LOC128125818: variants seen among roughly 807,000 people sequenced by gnomAD.
the LOC128125818 span, among the ~76,000 whole-genome samples, chr4:6,068,537 G>A: frequency 3.4e-5 from 5 of 147,022 alleles, no homozygotes; most frequent in Admixed American, 3.6e-4. Flanking sequence ...TTTATGCTGG[G>A]TATTTTTAAA....
the LOC128125818 span, among the ~76,000 whole-genome samples, chr4:6,068,531 T>C: frequency 2.7e-5 from 4 of 150,558 alleles, no homozygotes; most frequent in African/African-American, 4.9e-5. Context: ...CAGGTTTTTA[T>C]GCTGGGTATT....
chr4:6,066,926 TG>T, the LOC128125818 span, among the ~76,000 whole-genome samples: 1 of 151,708 alleles, frequency 6.6e-6, no homozygotes, highest in African/African-American at 2.4e-5. Flanking sequence ...ACACCTGCCA[TG>T]GGGCCTTTGC....
the LOC128125818 span, chr4:6,069,914 G>A: frequency 2.5e-6 from 1 of 396,342 alleles, no homozygotes; most frequent in Non-Finnish European, 4.4e-6. The surrounding 1 kb of genome is among the most constrained non-coding windows in gnomAD (Gnocchi z 4.5). Flanking sequence ...CCCCCAACCA[G>A]ATCCAGTCTC....
chr4:6,067,189 C>T, the LOC128125818 span, among the ~76,000 whole-genome samples: 1 of 152,186 alleles, frequency 6.6e-6, no homozygotes, highest in Non-Finnish European at 1.5e-5. The surrounding 1 kb of genome is among the most constrained non-coding windows in gnomAD (Gnocchi z 4.6). Context: ...ATGGAAGCTC[C>T]ATGAAGACAG....
At chr4:6,066,775 C>A in the LOC128125818 span, among the ~76,000 whole-genome samples, 3 of 152,072 alleles carry the variant, frequency 2.0e-5, no homozygotes, top group South Asian at 2.1e-4. Context: ...CCACCAATAT[C>A]TCTCTCTCTG....
chr4:6,066,852 T>A, the LOC128125818 span, among the ~76,000 whole-genome samples: 1 of 152,030 alleles, frequency 6.6e-6, no homozygotes, highest in African/African-American at 2.4e-5. Flanking sequence ...AGGATCCACC[T>A]CCCATCCTGC....
At chr4:6,068,403 A>G in the LOC128125818 span, among the ~76,000 whole-genome samples, 1 of 152,136 alleles carries the variant, frequency 6.6e-6, no homozygotes, top group Non-Finnish European at 1.5e-5. Context: ...TAGAGCAGAA[A>G]CCAAACACAA....
At chr4:6,069,916 T>C in the LOC128125818 span, 2 of 394,038 alleles carry the variant, frequency 5.1e-6, no homozygotes, top group African/African-American at 4.1e-5. This position sits in a 1 kb window ranked among gnomAD's most constrained non-coding sequence, Gnocchi z 4.5. Context: ...CCCAACCAGA[T>C]CCAGTCTCTC....
chr4:6,065,909 A>T, the LOC128125818 span, among the ~76,000 whole-genome samples: 1 of 152,232 alleles, frequency 6.6e-6, no homozygotes, highest in Non-Finnish European at 1.5e-5. The surrounding 1 kb of genome is among the most constrained non-coding windows in gnomAD (Gnocchi z 5.1). Flanking sequence ...TCCCTGCCCC[A>T]AGGAGCTTGC....
chr4:6,068,883 A>G, the LOC128125818 span, among the ~76,000 whole-genome samples: 5 of 152,094 alleles, frequency 3.3e-5, no homozygotes, highest in Non-Finnish European at 4.4e-5. Context: ...ACATTTTTTT[A>G]TAACATTTTA....
At chr4:6,065,927 A>AG in the LOC128125818 span, among the ~76,000 whole-genome samples, 1 of 152,190 alleles carries the variant, frequency 6.6e-6, no homozygotes, top group Non-Finnish European at 1.5e-5. The surrounding 1 kb of genome is among the most constrained non-coding windows in gnomAD (Gnocchi z 5.1). Flanking sequence ...TGCATCCCCT[A>AG]GGGGCTACAG....
chr4:6,068,597 G>A, the LOC128125818 span, among the ~76,000 whole-genome samples: 1,097 of 135,482 alleles, frequency 8.1e-3, 19 homozygotes, highest in African/African-American at 0.03. Flanking sequence ...TCCTTCTGTC[G>A]CCCAGGCTGG....
the LOC128125818 span, among the ~76,000 whole-genome samples, chr4:6,065,961 C>G: frequency 2.6e-5 from 4 of 152,330 alleles, no homozygotes; most frequent in East Asian, 7.7e-4. The surrounding 1 kb of genome is among the most constrained non-coding windows in gnomAD (Gnocchi z 5.1). Context: ...ATCACCAGAT[C>G]AATGTCTCTT....
chr4:6,069,239 A>G, the LOC128125818 span, among the ~76,000 whole-genome samples: 1 of 152,252 alleles, frequency 6.6e-6, no homozygotes, highest in South Asian at 2.1e-4. This position sits in a 1 kb window ranked among gnomAD's most constrained non-coding sequence, Gnocchi z 4.5. Context: ...AAAATGGCAA[A>G]CATGAAAGAA....
At chr4:6,067,689 C>T in the LOC128125818 span, among the ~76,000 whole-genome samples, 1 of 151,284 alleles carries the variant, frequency 6.6e-6, no homozygotes, top group Non-Finnish European at 1.5e-5. The surrounding 1 kb of genome is among the most constrained non-coding windows in gnomAD (Gnocchi z 4.6). Context: ...TTCACTCAAG[C>T]TCTTCTGCAC....
At chr4:6,068,848 G>A in the LOC128125818 span, among the ~76,000 whole-genome samples, 11 of 152,124 alleles carry the variant, frequency 7.2e-5, no homozygotes, top group Non-Finnish European at 1.2e-4. Flanking sequence ...GGGATCACAG[G>A]TGTGAGCCAT....
the LOC128125818 span, among the ~76,000 whole-genome samples, chr4:6,068,008 G>T: frequency 1.3e-5 from 2 of 152,208 alleles, no homozygotes; most frequent in African/African-American, 4.8e-5. Context: ...CAAACATTTA[G>T]AACACACTGC....
At chr4:6,069,337 T>C in the LOC128125818 span, among the ~76,000 whole-genome samples, 2 of 152,270 alleles carry the variant, frequency 1.3e-5, no homozygotes, top group East Asian at 3.8e-4. This position sits in a 1 kb window ranked among gnomAD's most constrained non-coding sequence, Gnocchi z 4.5. Flanking sequence ...GTCCACCATT[T>C]GCTCATTCTG....
At chr4:6,069,796 G>A in the LOC128125818 span, among the ~76,000 whole-genome samples, 4 of 151,306 alleles carry the variant, frequency 2.6e-5, no homozygotes, top group African/African-American at 7.3e-5. The surrounding 1 kb of genome is among the most constrained non-coding windows in gnomAD (Gnocchi z 4.5). Flanking sequence ...AATGAATGAA[G>A]AGTAAACATG....
Sources: gnomAD v4.1 joint callset for allele counts (sites outside exome capture counted in the v4.1 genomes callset) on GRCh38, gnomAD v4.1.1 for gene constraint, Gnocchi (gnomAD v3.1) non-coding constraint, MANE v1.5 for transcripts.